Variants in TMCC1 observed in about 807,000 individuals in gnomAD.
TMCC1 encodes the protein transmembrane and coiled-coil domains protein 1.
A neutral mutation model predicts 52.4 loss-of-function variants in TMCC1; 15 were observed. The ratio of observed to expected loss-of-function variants is 0.29; its 90% CI spans 0.19 to 0.44. The LOEUF is 0.44. Among genes scored for constraint, TMCC1 ranks in the 20% least tolerant of loss-of-function variants. TMCC1 has a pLI of 1.00. For missense variants in TMCC1, 503 were observed against 806.0 expected, an observed-to-expected ratio of 0.62 and a Z score of 4.55; for synonymous variants, 279 against 301.9, an observed-to-expected ratio of 0.92 and a Z score of 0.79.
At chr3:129,846,867 TAAAAAAAAAAAAAA>T (rs34419693) in intron 2 of TMCC1, among the ~76,000 whole-genome samples, 1 of 41,884 alleles carries the variant, frequency 2.4e-5, no homozygotes, top group Admixed American at 3.5e-4. Flanking sequence ...CAATCTCTAC[TAAAAAAAAAAAAAA>T]AAAAAAAAAA....
At chr3:129,783,431 A>G (rs1294628285) in intron 4 of TMCC1, among the ~76,000 whole-genome samples, 1 of 152,130 alleles carries the variant, frequency 6.6e-6, no homozygotes, top group Non-Finnish European at 1.5e-5. Context: ...CAGCTCTAGC[A>G]TTTATTTTAT....
intron 2 of TMCC1, chr3:129,857,375 A>C (rs959120608): frequency 6.6e-6 from 1 of 152,184 alleles, no homozygotes; most frequent in Non-Finnish European, 1.5e-5. Context: ...GCTGGACAAC[A>C]TATCTATACT....
intron 5 of TMCC1, among the ~76,000 whole-genome samples, chr3:129,655,860 G>T (rs983002949): frequency 5.9e-5 from 9 of 152,226 alleles, no homozygotes; most frequent in Non-Finnish European, 1.2e-4. Flanking sequence ...TGGGATTACA[G>T]GCGTGAGCCA....
chr3:129,662,860 C>T (rs1272432338), intron 5 of TMCC1, among the ~76,000 whole-genome samples: 1 of 152,060 alleles, frequency 6.6e-6, no homozygotes, highest in African/African-American at 2.4e-5. Context: ...CAAAGAGAAC[C>T]TGGACACTTA....
intron 4 of TMCC1, among the ~76,000 whole-genome samples, chr3:129,778,146 C>A (rs2107717304): frequency 6.6e-6 from 1 of 152,286 alleles, no homozygotes; most frequent in South Asian, 2.1e-4. Context: ...AGACCTTCTG[C>A]CAGTCATACA....
intron 4 of TMCC1, among the ~76,000 whole-genome samples, chr3:129,821,539 T>G (rs1474939253): frequency 6.6e-6 from 1 of 152,216 alleles, no homozygotes; most frequent in Non-Finnish European, 1.5e-5. Context: ...AAAGTTCATT[T>G]TATGAGTTCA....
intron 4 of TMCC1, among the ~76,000 whole-genome samples, chr3:129,799,290 G>A (rs1415784094): frequency 6.6e-6 from 1 of 152,232 alleles, no homozygotes; most frequent in African/African-American, 2.4e-5. Context: ...TGTATCATGC[G>A]TTACCTGCAG....
chr3:129,870,871 A>T (rs1044354250), intron 2 of TMCC1, among the ~76,000 whole-genome samples: 2 of 152,060 alleles, frequency 1.3e-5, no homozygotes, highest in African/African-American at 4.8e-5. Context: ...AACATCCAAG[A>T]ATGGATACAA....
At chr3:129,664,155 G>A (rs572082844) in intron 5 of TMCC1, among the ~76,000 whole-genome samples, 12 of 152,110 alleles carry the variant, frequency 7.9e-5, no homozygotes, top group Non-Finnish European at 1.8e-4. Context: ...CATAAATGAA[G>A]GGCTAATTTG....
chr3:129,737,718 C>T (rs1158120026), intron 4 of TMCC1, among the ~76,000 whole-genome samples: 1 of 152,102 alleles, frequency 6.6e-6, no homozygotes, highest in African/African-American at 2.4e-5. Context: ...ACACACACCC[C>T]AAAATACTTC....
intron 4 of TMCC1, among the ~76,000 whole-genome samples, chr3:129,691,731 TATG>T (rs1232492673): frequency 1.3e-5 from 2 of 152,166 alleles, no homozygotes; most frequent in African/African-American, 4.8e-5. Context: ...TGCAGTGAGC[TATG>T]ATTTCAGCCT....
At chr3:129,681,917 A>G (rs1400741045) in intron 4 of TMCC1, among the ~76,000 whole-genome samples, 1 of 151,492 alleles carries the variant, frequency 6.6e-6, no homozygotes, top group Non-Finnish European at 1.5e-5. Context: ...AAAAAAAAAA[A>G]AAATTTTTAA....
chr3:129,840,627 C>CG (rs1197226778), intron 2 of TMCC1, among the ~76,000 whole-genome samples: 1 of 152,124 alleles, frequency 6.6e-6, no homozygotes, highest in East Asian at 1.9e-4. Context: ...GACTGGATCA[C>CG]GGGGGTGGTT....
intron 4 of TMCC1, among the ~76,000 whole-genome samples, chr3:129,713,647 A>C (rs2048856687): frequency 6.6e-6 from 1 of 151,366 alleles, no homozygotes; most frequent in African/African-American, 2.4e-5. Context: ...CAGGAGTTCA[A>C]GGCTGTAATG....
At chr3:129,687,625 T>C (rs553197436) in intron 4 of TMCC1, among the ~76,000 whole-genome samples, 2 of 152,006 alleles carry the variant, frequency 1.3e-5, no homozygotes, top group Non-Finnish European at 2.9e-5. Flanking sequence ...AAAGAGAACA[T>C]AAAAGAGATT....
At chr3:129,871,909 A>AT (rs928078171) in intron 2 of TMCC1, among the ~76,000 whole-genome samples, 2 of 152,064 alleles carry the variant, frequency 1.3e-5, no homozygotes, top group South Asian at 2.1e-4. Context: ...AAGTGATACC[A>AT]TTTTTTTTAC....
At position 129,828,403 on chromosome 3, in the gene TMCC1, C is replaced by T; in HGVS notation, c.-25G>A. Reference sequence around the variant, plus strand: ...TCAGTAGACTTAATATGCTTATTTGCAAACTCAAAAAAATTTTTTAAACAC... The same window carrying T: ...TCAGTAGACTTAATATGCTTATTTGTAAACTCAAAAAAATTTTTTAAACAC... On this transcript the variant is annotated 5_prime_UTR_variant, in exon 4 of 7. Coordinates refer to ENST00000393238, the MANE Select transcript of TMCC1 (RefSeq NM_001017395.5). This position sits in a 1 kb window ranked among gnomAD's most constrained non-coding sequence, Gnocchi z 4.1. 1.9e-6 allele frequency: 3 copies of T among 1,589,686 alleles called. No individual in the cohort carries two copies. Among genetic ancestry groups the T allele is most frequent in the Non-Finnish European group, 2.6e-6 (3 of 1,168,750 alleles).
chr3:129,726,907 G>C (rs1465882549), intron 4 of TMCC1, among the ~76,000 whole-genome samples: 1 of 36,844 alleles, frequency 2.7e-5, no homozygotes, highest in Non-Finnish European at 6.9e-5. Context: ...AAGAACCACT[G>C]TTCAAACCAA....
At position 129,717,877 on chromosome 3, in the gene TMCC1, C is replaced by T. The variant is rs1489834767; in HGVS notation, c.577-46613G>A. Among the ~76,000 whole-genome samples, 5 of 152,136 alleles carry T rather than the reference C, an allele frequency of 3.3e-5. No homozygotes were observed. In the South Asian group the frequency reaches 6.2e-4, roughly 19 times the overall value. On this transcript the variant is annotated intron_variant, in intron 4 of 6. Transcript: ENST00000393238. ...ACAACCAGAATGATCCTTTAAAAAC[C>T]TAAGTCAAATCACATCAGTCCTCTG... is the stretch of plus-strand genomic sequence containing the variant.
Sources: allele counts gnomAD v4.1 joint callset (sites outside exome capture counted in the v4.1 genomes callset), GRCh38; gene constraint gnomAD v4.1.1; non-coding constraint Gnocchi (gnomAD v3.1); transcripts MANE v1.5; gene names NCBI Gene and HGNC (gene_info 2026-07-23, HGNC 2026-07-21).